The following IL1B variants were observed in gnomAD, a reference collection of about 807,000 sequenced individuals.
The protein encoded by IL1B is interleukin-1 beta.
Under a neutral mutation model 26.2 loss-of-function variants are expected in IL1B, and 11 were observed. The observed-to-expected ratio is 0.42, with a 90% CI of 0.26 to 0.70. The LOEUF is 0.70. Among genes scored for constraint, IL1B ranks in the 30% least tolerant of loss-of-function variants. The pLI, the probability that IL1B is intolerant of heterozygous loss-of-function variation, is 0.25. For synonymous variants in IL1B, 118 were observed against 120.8 expected (o/e 0.98, Z 0.15); for missense variants, 255 against 327.5 (o/e 0.78, Z 1.71).
rs767926766 is a variant in IL1B at position 112,835,559 on chromosome 2, GT to G, written c.99+6del. 1 of 1,611,666 alleles carries G rather than the reference GT, an allele frequency of 6.2e-7. No individual in the cohort carries two copies. The highest frequency in any genetic ancestry group is 8.5e-7 in the Non-Finnish European group (1 of 1,177,890). On this transcript the variant is annotated splice_donor_region_variant and intron_variant, in intron 3 of 6. Transcript: ENST00000263341. ...CCTTGGGTTGGGAGTTAAACCCATA[GT>G]CTTACCTTCATCTGTTTAGGGCCAT...
rs188824331 is a variant in IL1B at position 112,831,655 on chromosome 2, G to A, written c.467-233C>T. On this transcript the variant is annotated intron_variant, in intron 5 of 6. Transcript: ENST00000263341. Reference sequence around the variant, plus strand: ...GAGGGTTTCTCAGAGCCTCATAGCAGTAGGAACGGAGAATGAAAGAGGGTC... The same window carrying A: ...GAGGGTTTCTCAGAGCCTCATAGCAATAGGAACGGAGAATGAAAGAGGGTC... Among the ~76,000 whole-genome samples, 118 of 152,286 alleles carry A rather than the reference G, an allele frequency of 7.7e-4. 1 individual carries two copies. Among genetic ancestry groups the A allele is most frequent in the Non-Finnish European group, 1.3e-4 (9 of 68,024 alleles).
At chr2:112,836,330 A>G in intron 1 of IL1B, 86 bp from the exon 2 acceptor site, 1 of 915,994 alleles carries the variant, frequency 1.1e-6, no homozygotes, top group Middle Eastern at 2.2e-4. Context: ...CATGGCAGTC[A>G]TGCAAAGAAA....
At position 112,832,753 on chromosome 2, in the gene IL1B, C is replaced by T. The variant is rs551821803; in HGVS notation, c.375G>A (p.Thr125=). The part of the protein sequence containing the change: ...HDAPVRSLNC[T]LRDSQQKSLV... Reference sequence around the variant, plus strand: ...AGCTTTTTTGCTGTGAGTCCCGGAGCGTGCAGTTCAGTGATCGTACAGGTG... The same window carrying T: ...AGCTTTTTTGCTGTGAGTCCCGGAGTGTGCAGTTCAGTGATCGTACAGGTG... Residue 125 remains threonine, a synonymous_variant, in exon 5 of 7, where the codon ACG becomes ACA. Coordinates refer to ENST00000263341, the MANE Select transcript of IL1B (RefSeq NM_000576.3). 2.8e-5 allele frequency: 46 copies of T among 1,614,068 alleles called. No homozygotes were observed. The highest frequency in any genetic ancestry group is 8.0e-5 in the African/African-American group (6 of 75,012).
chr2:112,836,014 T>C lies in IL1B; in HGVS notation c.47+169A>G, dbSNP rs3730364. On this transcript the variant is annotated intron_variant, in intron 2 of 6. Coordinates refer to ENST00000263341, the MANE Select transcript of IL1B (RefSeq NM_000576.3). ...CTGGATAGCCTCCAGGTCCCAAGGC[T>C]GGAGGGACTTGTAATGGGAAAGTAG... 7.2e-3 allele frequency among the ~76,000 whole-genome samples: 1,098 copies of C among 152,336 alleles called. 13 individuals are homozygous for C. The highest frequency in any genetic ancestry group is 0.025 in the African/African-American group (1,037 of 41,576).
At chr2:112,830,952 G>A (rs899871597) in intron 6 of IL1B, among the ~76,000 whole-genome samples, 64 of 152,102 alleles carry the variant, frequency 4.2e-4, no homozygotes, top group African/African-American at 1.5e-3. Context: ...TGATAGTGGT[G>A]GTAATTTTGG....
At chr2:112,834,642 C>T (rs759844560) in intron 3 of IL1B, among the ~76,000 whole-genome samples, 21 of 152,256 alleles carry the variant, frequency 1.4e-4, no homozygotes, top group Non-Finnish European at 2.6e-4. Context: ...CAATGGGCTC[C>T]TCCCACAGCT....
chr2:112,832,252 G>T (rs181951413), intron 5 of IL1B, among the ~76,000 whole-genome samples: 72 of 152,272 alleles, frequency 4.7e-4, no homozygotes, highest in African/African-American at 1.7e-3. Flanking sequence ...GGATGTTGGG[G>T]CAAGGGGGGA....
At position 112,835,573 on chromosome 2, in the gene IL1B, T is replaced by C. The variant is rs200223008; in HGVS notation, c.92A>G (p.Gln31Arg). The change falls in exon 3 of 7, where the codon CAG becomes CGG. Residue 31 changes from glutamine (Q) to arginine (R), a missense_variant. Coordinates refer to ENST00000263341, the MANE Select transcript of IL1B (RefSeq NM_000576.3). ...TTAAACCCATAGTCTTACCTTCATC[T>C]GTTTAGGGCCATCAGCTTCAAAGAA... ...DLFFEADGPK[Q>R]MKCSFQDLDL... The C allele has an allele frequency of 1.2e-6, 2 of 1,613,402 alleles. No homozygotes were observed. The highest frequency in any genetic ancestry group is 2.2e-5 in the East Asian group (1 of 44,878).
intron 3 of IL1B, among the ~76,000 whole-genome samples, chr2:112,834,564 A>C (rs1290258180): frequency 6.6e-6 from 1 of 152,246 alleles, no homozygotes; most frequent in Non-Finnish European, 1.5e-5. Flanking sequence ...AGCAGGAGAG[A>C]ATTTCCTGCC....
Position 112,832,896 on chromosome 2 carries a change from A to G in IL1B, c.302-70T>C, listed in dbSNP as rs990557023. On this transcript the variant is annotated intron_variant, in intron 4 of 6. Coordinates refer to ENST00000263341, the MANE Select transcript of IL1B (RefSeq NM_000576.3). ...CAGGCCTCGTGAGGCGAGGCGGCAAAATTTGATTTCTTGGAGGACACCTGA... is the reference window on the plus strand; with the variant it reads ...CAGGCCTCGTGAGGCGAGGCGGCAAGATTTGATTTCTTGGAGGACACCTGA... 2.0e-6 allele frequency: 3 copies of G among 1,513,858 alleles called. No homozygotes were observed. The African/African-American group carries it at 4.1e-5, about 21-fold the overall frequency. 93.8% of individuals were successfully genotyped at this position (1,513,858 alleles called of 1,614,324 possible). A position where few individuals can be genotyped will look rare whatever the true frequency, so the allele number is the denominator to read the frequency against.
chr2:112,829,882 G>C lies in IL1B; in HGVS notation c.*479C>G, dbSNP rs142194680. On this transcript the variant is annotated 3_prime_UTR_variant, in exon 7 of 7. Coordinates refer to ENST00000263341, the MANE Select transcript of IL1B (RefSeq NM_000576.3). ...TTAATTAAAGGACTTGATTTAAAGA[G>C]AGCACACCAGTCCAAATTGAATTGA... The C allele has an allele frequency of 3.9e-3, 642 of 163,914 alleles. 11 individuals carry two copies. Among genetic ancestry groups the C allele is most frequent in the Non-Finnish European group, 2.3e-3 (172 of 74,150 alleles). The allele number at this position is 163,914 out of a possible 1,614,324, so 10.2% of individuals were successfully genotyped here. A position where few individuals can be genotyped will look rare whatever the true frequency, so the allele number is the denominator to read the frequency against.
In IL1B at chr2:112,831,095, A is replaced by G. The variant is rs1007704608; in HGVS notation, c.597+197T>C. The G allele has an allele frequency of 3.3e-5, 20 of 613,178 alleles. No homozygotes were observed. In the Middle Eastern group the frequency reaches 1.3e-3, roughly 41 times the overall value. The allele number at this position is 613,178 out of a possible 1,614,324, so 38.0% of individuals were successfully genotyped here. ...GGTAGGACATAATAACATCGGCAAAATGATTTAATTTTCTGCAGCAGGATT... is the reference window on the plus strand; with the variant it reads ...GGTAGGACATAATAACATCGGCAAAGTGATTTAATTTTCTGCAGCAGGATT... On this transcript the variant is annotated intron_variant, in intron 6 of 6. Transcript: ENST00000263341.
At chr2:112,831,554 A>G in intron 5 of IL1B, 132 bp from the exon 6 acceptor site, 1 of 957,916 alleles carries the variant, frequency 1.0e-6, no homozygotes, top group Non-Finnish European at 1.6e-6. Context: ...CCTTGGCCTA[A>G]GACACAGGAT....
chr2:112,834,330 A>G (rs970464184), intron 3 of IL1B, among the ~76,000 whole-genome samples: 2 of 152,212 alleles, frequency 1.3e-5, no homozygotes, highest in Non-Finnish European at 2.9e-5. Context: ...TCACTCAGCA[A>G]GTATTCAATT....
At chr2:112,831,003 A>G (rs1681976109) in intron 6 of IL1B, 2 of 438,886 alleles carry the variant, frequency 4.6e-6, no homozygotes, top group South Asian at 2.1e-5. Flanking sequence ...TAAGTCATCT[A>G]TTTCCCAAGG....
intron 6 of IL1B, 62 bp downstream of exon 6, chr2:112,831,230 T>C: frequency 6.2e-7 from 1 of 1,601,696 alleles, no homozygotes; most frequent in Non-Finnish European, 8.6e-7. Flanking sequence ...GAGAAGGTGG[T>C]TGTCTGGGAA....
intron 1 of IL1B, 26 bp from the exon 2 acceptor site, chr2:112,836,270 A>G (rs1451859016): frequency 1.9e-6 from 3 of 1,564,658 alleles, no homozygotes; most frequent in East Asian, 2.2e-5. Flanking sequence ...AAAATGAGTG[A>G]CTTCCCCATG....
In IL1B at chr2:112,835,492, C is replaced by T. The variant is rs1682071528; in HGVS notation, c.99+74G>A. The T allele has an allele frequency of 9.7e-6, 12 of 1,231,390 alleles. No individual in the cohort carries two copies. In the East Asian group the frequency reaches 2.8e-4, roughly 29 times the overall value. The allele number at this position is 1,231,390 out of a possible 1,614,324, so 76.3% of individuals were successfully genotyped here. On this transcript the variant is annotated intron_variant, in intron 3 of 6. Transcript: ENST00000263341. ...CAAAATACCATGGCATCAAAGTGGCCCAGAACTCCCTTCTTTGAGCTTTCC... is the reference window on the plus strand; with the variant it reads ...CAAAATACCATGGCATCAAAGTGGCTCAGAACTCCCTTCTTTGAGCTTTCC...
chr2:112,831,797 A>G (rs1143636), intron 5 of IL1B, among the ~76,000 whole-genome samples: 2,015 of 152,300 alleles, frequency 0.013, 27 homozygotes, highest in Non-Finnish European at 0.019. Flanking sequence ...AAAGAGGTGA[A>G]GCTGTACTTC....
Sources: allele counts gnomAD v4.1 joint callset (sites outside exome capture counted in the v4.1 genomes callset), GRCh38; gene constraint gnomAD v4.1.1; transcripts MANE v1.5; gene names NCBI Gene and HGNC (gene_info 2026-07-23, HGNC 2026-07-21).